The following BORA variants were observed in gnomAD, a reference collection of about 807,000 sequenced individuals.
BORA encodes BORA aurora kinase A activator, also known as protein aurora borealis.
Under a neutral mutation model 55.8 loss-of-function variants are expected in BORA, and 26 were observed. The observed-to-expected ratio is 0.47, with a 90% CI of 0.34 to 0.65. The LOEUF is 0.65. Among genes scored for constraint, BORA ranks in the 30% least tolerant of loss-of-function variants. The pLI is 0.01. For synonymous variants in BORA, 201 were observed against 216.9 expected, an observed-to-expected ratio of 0.93 and a Z score of 0.64; for missense variants, 568 against 671.5, an observed-to-expected ratio of 0.85 and a Z score of 1.70.
Position 72,756,062 on chromosome 13 carries a change from A to ACTT in BORA, c.*847_*849dup. On this transcript the variant is annotated 3_prime_UTR_variant, in exon 12 of 12. Transcript: ENST00000390667. The stretch of plus-strand genomic sequence containing the variant: ...TTATATACAACTATTTTTTTAAAAA[A>ACTT]CTTATATCCATGTTGGGAGTAGATG... 2.5e-6 allele frequency: 1 copy of ACTT among 395,738 alleles called. No homozygotes were observed. The highest frequency in any genetic ancestry group is 3.6e-5 in the East Asian group (1 of 27,980). 24.5% of individuals were successfully genotyped at this position (395,738 alleles called of 1,614,324 possible). A position where few individuals can be genotyped will look rare whatever the true frequency, so the allele number is the denominator to read the frequency against.
intron 9 of BORA, 96 bp from the exon 10 acceptor site, chr13:72,746,405 A>T: frequency 7.4e-7 from 1 of 1,359,932 alleles, no homozygotes; most frequent in East Asian, 2.3e-5. Flanking sequence ...ACAGAAATGC[A>T]GTTTTTCCTG....
In BORA at chr13:72,731,300, G is replaced by A; in HGVS notation, c.173G>A (p.Trp58Ter). Residue 58 changes from tryptophan (W) to a stop codon, truncating the protein, a stop_gained, in exon 3 of 12, where the codon TGG becomes TAG. Coordinates refer to ENST00000390667, the MANE Select transcript of BORA (RefSeq NM_024808.5). LOFTEE classifies it high-confidence loss of function. ...TKLPTPGKFR[W>*]SIDQLAVINP... ...GTTAAGACTCCAGGGAAATTTAGAT[G>A]GTCTATTGATCAACTAGCTGTAATA... The A allele has an allele frequency of 6.2e-7, 1 of 1,608,488 alleles. No individual in the cohort carries two copies. The highest frequency in any genetic ancestry group is 8.5e-7 in the Non-Finnish European group (1 of 1,177,002).
At chr13:72,738,617 G>A (rs1478971995) in intron 5 of BORA, among the ~76,000 whole-genome samples, 1 of 152,058 alleles carries the variant, frequency 6.6e-6, no homozygotes, top group African/African-American at 2.4e-5. Flanking sequence ...GCAGTATTCA[G>A]GAATCACTTG....
In BORA at chr13:72,729,053, C is replaced by G. The variant is rs532247352; in HGVS notation, c.113C>G (p.Thr38Ser). 1 of 1,592,436 alleles carries G rather than the reference C, an allele frequency of 6.3e-7. No homozygotes were observed. The highest frequency in any genetic ancestry group is 8.5e-7 in the Non-Finnish European group (1 of 1,172,984). ...PSDYSNLHEQ[T>S]LASPSVFKST... ...GATTATTCTAATCTCCATGAACAAA[C>G]TCTCGCCAGTCCTTCTGTTTTTAAA... The change falls in exon 2 of 12, where the codon ACT (threonine) becomes AGT (serine). Residue 38 changes from threonine to serine, a missense_variant. Transcript: ENST00000390667.
rs1194814300 is a variant in BORA, at chr13:72,731,387, G to A, written c.260G>A (p.Arg87Gln). The A allele has an allele frequency of 2.5e-6, 4 of 1,596,362 alleles. No homozygotes were observed. Among genetic ancestry groups the A allele is most frequent in the Non-Finnish European group, 3.4e-6 (4 of 1,166,578 alleles). Residue 87 changes from arginine to glutamine, a missense_variant and splice_region_variant, in exon 3 of 12, where the codon CGA becomes CAA. Arg to Gln is a conservative substitution (Grantham distance 43). Coordinates refer to ENST00000390667, the MANE Select transcript of BORA (RefSeq NM_024808.5). Reference sequence around the variant, plus strand: ...CAAGCTTTATACTTAAGTCATTCTCGGTAAGTTTTCCTTTCTTGCACCTAA... The same window carrying A: ...CAAGCTTTATACTTAAGTCATTCTCAGTAAGTTTTCCTTTCTTGCACCTAA... ...HRQALYLSHS[R>Q]IDKDVEDKRQ...
Position 72,753,778 on chromosome 13 carries a change from A to G in BORA, c.1571A>G (p.Gln524Arg), listed in dbSNP as rs571577612. Reference protein sequence around the residue: ...AESYCKESDAQTCEVESKSQA... With the variant: ...AESYCKESDARTCEVESKSQA... ...AGTTACTGCAAAGAAAGTGATGCAC[A>G]AACATGTGAAGTTGAGAGTAAATCT... is the stretch of plus-strand genomic sequence containing the variant. Residue 524 changes from glutamine to arginine, a missense_variant, in exon 11 of 12, where the codon CAA becomes CGA. Coordinates refer to ENST00000390667, the MANE Select transcript of BORA (RefSeq NM_024808.5). The G allele has an allele frequency of 1.9e-6, 3 of 1,613,540 alleles. No homozygotes were observed. The highest frequency in any genetic ancestry group is 1.7e-6 in the Non-Finnish European group (2 of 1,179,580).
chr13:72,753,703 A>G lies in BORA; in HGVS notation c.1496A>G (p.Tyr499Cys), dbSNP rs1158254241. The G allele has an allele frequency of 1.2e-6, 2 of 1,612,366 alleles. No individual in the cohort carries two copies. Among genetic ancestry groups the G allele is most frequent in the Non-Finnish European group, 1.7e-6 (2 of 1,179,376 alleles). Residue 499 changes from tyrosine (Y) to cysteine (C), a missense_variant, in exon 11 of 12, where the codon TAT becomes TGT. By Grantham distance (194) the Tyr-to-Cys change is radical. Transcript: ENST00000390667. ...ESSNIQMDSG[Y>C]NTQNCGSNIM... ...TTCTCCTGTCAGATGGATAGTGGCTATAATACGCAGAATTGTGGAAGCAAT... is the reference window on the plus strand; with the variant it reads ...TTCTCCTGTCAGATGGATAGTGGCTGTAATACGCAGAATTGTGGAAGCAAT...
chr13:72,729,124 A>C, intron 2 of BORA, 31 bp downstream of exon 2: 1 of 1,449,942 alleles, frequency 6.9e-7, no homozygotes, highest in Non-Finnish European at 9.2e-7. Flanking sequence ...GTTTACAACT[A>C]ATTTTAAATG....
intron 10 of BORA, chr13:72,752,802 C>G (rs986408997): frequency 1.3e-5 from 2 of 152,176 alleles, no homozygotes; most frequent in African/African-American, 2.4e-5. Flanking sequence ...CTAGGCTAGT[C>G]TGTACCTTTG....
chr13:72,748,728 T>TTC lies in BORA; in HGVS notation c.1482+1647_1482+1648dup, dbSNP rs58975643. On this transcript the variant is annotated intron_variant, in intron 10 of 11. Transcript: ENST00000390667. ...CTTTTACTCTCTGCCTTTTTTCACT[T>TTC]TCTCTCTCTCTCTCTCTCTCTCTCT... is the stretch of plus-strand genomic sequence containing the variant. Among the ~76,000 whole-genome samples, 799 of 137,782 alleles carry TTC rather than the reference T, an allele frequency of 5.8e-3. 9 individuals are homozygous for TTC. Among genetic ancestry groups the TTC allele is most frequent in the African/African-American group, 0.018 (730 of 40,744 alleles). 90.4% of individuals were successfully genotyped at this position (137,782 alleles called of 152,430 possible).
chr13:72,740,595 G>A (rs2033015445), intron 5 of BORA, among the ~76,000 whole-genome samples: 1 of 152,120 alleles, frequency 6.6e-6, no homozygotes, highest in Non-Finnish European at 1.5e-5. Flanking sequence ...TAGGGCCAAG[G>A]TTGGCAGCCC....
chr13:72,746,754 A>C lies in BORA; in HGVS notation c.1125A>C (p.Ser375=), dbSNP rs9573025. The change falls in exon 10 of 12, where the codon TCA becomes TCC. Residue 375 remains serine (S), a synonymous_variant. Coordinates refer to ENST00000390667, the MANE Select transcript of BORA (RefSeq NM_024808.5). ...ATATTCCTTCCACAGATGTCTCATCACCCGCCATGGATGCTGCTGGAATAC... is the reference window on the plus strand; with the variant it reads ...ATATTCCTTCCACAGATGTCTCATCCCCCGCCATGGATGCTGCTGGAATAC... ...KENIPSTDVS[S]PAMDAAGIHL... 7,052 of 1,614,098 alleles carry C rather than the reference A, an allele frequency of 4.4e-3. 257 individuals are homozygous for C. In the Admixed American group the frequency reaches 0.071, roughly 16 times the overall value.
intron 6 of BORA, among the ~76,000 whole-genome samples, chr13:72,744,053 A>G (rs772629471): frequency 6.6e-6 from 1 of 152,150 alleles, no homozygotes; most frequent in South Asian, 2.1e-4. Context: ...GATTTTTTCA[A>G]TGAGCTACAT....
At chr13:72,745,906 A>C (rs370489763) in intron 8 of BORA, 38 bp from the exon 9 acceptor site, 24 of 1,559,126 alleles carry the variant, frequency 1.5e-5, no homozygotes, top group Non-Finnish European at 7.0e-6. Context: ...TAAGGAAGAG[A>C]ACCATATACA....
At position 72,745,104 on chromosome 13, in the gene BORA, CTCCCGGAAG is replaced by C. The variant is rs777697755; in HGVS notation, c.639_647del (p.Gly214_Pro216del). 1 of 1,614,024 alleles carries C rather than the reference CTCCCGGAAG, an allele frequency of 6.2e-7. No individual in the cohort carries two copies. The highest frequency in any genetic ancestry group is 1.3e-5 in the African/African-American group (1 of 74,940). On this transcript the variant is annotated inframe_deletion, in exon 8 of 12. Transcript: ENST00000390667. ...ATCTCCGACTCCTTACCTTCGGCTT[CTCCCGGAAG>C]TCCTCACAGTGGTGTTCAAACATCA...
chr13:72,731,349 A>C lies in BORA; in HGVS notation c.222A>C (p.Glu74Asp). 1 of 1,612,318 alleles carries C rather than the reference A, an allele frequency of 6.2e-7. No homozygotes were observed. Among genetic ancestry groups the C allele is most frequent in the Non-Finnish European group, 8.5e-7 (1 of 1,178,910 alleles). The change falls in exon 3 of 12, where the codon GAA (glutamate) becomes GAC (aspartate). Residue 74 changes from glutamate (E) to aspartate (D), a missense_variant. Coordinates refer to ENST00000390667, the MANE Select transcript of BORA (RefSeq NM_024808.5). ...TAAATCCTGTAGAAATAGACCCAGA[A>C]GATATTCATCGTCAAGCTTTATACT... is the stretch of plus-strand genomic sequence containing the variant. ...AVINPVEIDP[E>D]DIHRQALYLS...
intron 7 of BORA, 110 bp from the exon 8 acceptor site, chr13:72,744,871 G>A: frequency 1.9e-5 from 19 of 996,324 alleles, no homozygotes; most frequent in Non-Finnish European, 2.8e-5. Flanking sequence ...CCCTCTTTTT[G>A]GGAAAAAATT....
rs755338586 is a variant in BORA at position 72,746,808 on chromosome 13, T to C, written c.1179T>C (p.Ser393=). The change falls in exon 10 of 12, where the codon TCT becomes TCC. Residue 393 remains serine (S), a synonymous_variant. Transcript: ENST00000390667. ...TACGGCAGTTTAGTAATGAGGCTTC[T>C]ACCCATGGTACACATTTGGTTGTGA... ...IHLRQFSNEA[S]THGTHLVVTA... is the part of the protein sequence containing the mutation. The C allele has an allele frequency of 1.2e-5, 20 of 1,614,062 alleles. No homozygotes were observed. The South Asian group carries it at 2.1e-4, about 17-fold the overall frequency.
intron 10 of BORA, chr13:72,752,667 A>G (rs903289821): frequency 2.6e-5 from 4 of 152,216 alleles, no homozygotes; most frequent in Admixed American, 2.0e-4. Context: ...TTCCCCAAAA[A>G]TGTTACACAT....
Sources: allele counts gnomAD v4.1 joint callset (sites outside exome capture counted in the v4.1 genomes callset), GRCh38; gene constraint gnomAD v4.1.1; transcripts MANE v1.5; gene names NCBI Gene and HGNC (gene_info 2026-07-23, HGNC 2026-07-21).